AFDN: variants seen among roughly 807,000 people sequenced by gnomAD.
AFDN encodes afadin.
Under a neutral mutation model 216.6 loss-of-function variants are expected in AFDN, and 68 were observed. That is an observed-to-expected ratio of 0.31 (90% CI 0.26 to 0.38). The LOEUF is 0.38. AFDN is among the 10% of genes least tolerant of loss of function. The pLI is 1.00. For synonymous variants in AFDN, 868 were observed against 853.7 expected, an observed-to-expected ratio of 1.02 and a Z score of -0.29; for missense variants, 2,136 against 2,342.0, an observed-to-expected ratio of 0.91 and a Z score of 1.82.
chr6:167,929,557 G>T (rs1793016910), intron 23 of AFDN, among the ~76,000 whole-genome samples: 1 of 152,234 alleles, frequency 6.6e-6, no homozygotes, highest in African/African-American at 2.4e-5. Context: ...GTAAGAGGAA[G>T]GTGAAGGTAG....
Position 167,963,240 on chromosome 6 carries a change from G to T in AFDN, c.4968+673G>T, listed in dbSNP as rs1797213502. 2.8e-6 allele frequency: 3 copies of T among 1,063,950 alleles called. No individual in the cohort carries two copies. In the South Asian group the frequency reaches 1.4e-4, roughly 48 times the overall value. The allele number at this position is 1,063,950 out of a possible 1,614,324, so 65.9% of individuals were successfully genotyped here. A position where few individuals can be genotyped will look rare whatever the true frequency, so the allele number is the denominator to read the frequency against. ...CTCTCCATATCTCCCTTTGTCCTGT[G>T]TGTGTGGCCGACGCCCTCTGGATGA... On this transcript the variant is annotated intron_variant, in intron 31 of 33. Coordinates refer to ENST00000683244, the MANE Select transcript of AFDN (RefSeq NM_001386888.1).
At chr6:167,930,801 G>A (rs1255680636) in intron 23 of AFDN, among the ~76,000 whole-genome samples, 1 of 152,204 alleles carries the variant, frequency 6.6e-6, no homozygotes, top group Non-Finnish European at 1.5e-5. Context: ...GGTGGGTCTG[G>A]ACAGAGCTGA....
chr6:167,897,076 A>G, intron 10 of AFDN, 104 bp downstream of exon 10: 1 of 507,376 alleles, frequency 2.0e-6, no homozygotes, highest in Admixed American at 3.9e-5. Context: ...ATAATTACCG[A>G]CTTGTATTTA....
chr6:167,893,664 CACTG>C, intron 8 of AFDN, 194 bp from the exon 9 acceptor site: 1 of 548,682 alleles, frequency 1.8e-6, no homozygotes, highest in Non-Finnish European at 3.3e-6. Flanking sequence ...GTTTCTAAAA[CACTG>C]ACTGGGGCAC....
intron 16 of AFDN, chr6:167,913,698 A>C: frequency 2.0e-6 from 1 of 502,542 alleles, no homozygotes. Context: ...TTTGGATCTC[A>C]TCTGAGGTTG....
chr6:167,842,369 G>C (rs1781168839), intron 1 of AFDN, among the ~76,000 whole-genome samples: 1 of 151,874 alleles, frequency 6.6e-6, no homozygotes, highest in Non-Finnish European at 1.5e-5. Flanking sequence ...CTGGATTCTT[G>C]ATGTTCTTCT....
chr6:167,930,625 T>C (rs1793165631), intron 23 of AFDN, among the ~76,000 whole-genome samples: 1 of 152,138 alleles, frequency 6.6e-6, no homozygotes, highest in Admixed American at 6.5e-5. Context: ...GAGTACAGTG[T>C]CAGCAAGCTT....
At position 167,966,214 on chromosome 6, in the gene AFDN, G is replaced by T. The variant is rs777508099; in HGVS notation, c.5257+169G>T. On this transcript the variant is annotated intron_variant, in intron 32 of 33. Coordinates refer to ENST00000683244, the MANE Select transcript of AFDN (RefSeq NM_001386888.1). The stretch of plus-strand genomic sequence containing the variant: ...GCCAACAGTACTGCTCACAAAAAAG[G>T]CCAGCCCCTGCCCCCTCCAAAAAAA... The T allele has an allele frequency of 1.5e-5, 23 of 1,533,174 alleles. No individual in the cohort carries two copies. The South Asian group carries it at 2.8e-4, about 18-fold the overall frequency. 95.0% of individuals were successfully genotyped at this position (1,533,174 alleles called of 1,614,324 possible). A position where few individuals can be genotyped will look rare whatever the true frequency, so the allele number is the denominator to read the frequency against.
At chr6:167,864,273 GCCAAGGA>G in intron 1 of AFDN, 1 of 638,044 alleles carries the variant, frequency 1.6e-6, no homozygotes, top group Non-Finnish European at 3.0e-6. Context: ...CCTACCACTT[GCCAAGGA>G]CCAATAGATG....
chr6:167,840,795 G>C (rs566152516), intron 1 of AFDN, among the ~76,000 whole-genome samples: 1 of 152,356 alleles, frequency 6.6e-6, no homozygotes, highest in South Asian at 2.1e-4. Flanking sequence ...TGTAAGCCAA[G>C]TTAAGAACAT....
intron 15 of AFDN, chr6:167,912,012 G>A (rs1468033473): frequency 1.2e-5 from 2 of 168,224 alleles, no homozygotes; most frequent in Non-Finnish European, 2.6e-5. Flanking sequence ...ACTTGCTCCT[G>A]TGTAATGAGC....
intron 23 of AFDN, among the ~76,000 whole-genome samples, chr6:167,927,503 T>A (rs574038326): frequency 6.6e-6 from 1 of 152,204 alleles, no homozygotes; most frequent in Non-Finnish European, 1.5e-5. Context: ...AGGAACATGA[T>A]GAAACTGACA....
In AFDN at chr6:167,947,838, C is replaced by T; in HGVS notation, c.3554-15C>T. 6.4e-7 allele frequency: 1 copy of T among 1,572,554 alleles called. No individual in the cohort carries two copies. The highest frequency in any genetic ancestry group is 8.7e-7 in the Non-Finnish European group (1 of 1,149,654). The stretch of plus-strand genomic sequence containing the variant: ...TTAATATTACACTTTTTTTTTTCCC[C>T]CCTGACTTGAGCAGATCAGCCTCCT... On this transcript the variant is annotated splice_polypyrimidine_tract_variant and intron_variant, in intron 27 of 33. Coordinates refer to ENST00000683244, the MANE Select transcript of AFDN (RefSeq NM_001386888.1).
chr6:167,917,308 G>T, intron 20 of AFDN, 76 bp downstream of exon 20: 1 of 1,340,698 alleles, frequency 7.5e-7, no homozygotes, highest in East Asian at 2.7e-5. Context: ...AAAACAAAAG[G>T]AAATCCTATT....
At chr6:167,950,535 G>A (rs1470781310) in intron 29 of AFDN, among the ~76,000 whole-genome samples, 3 of 152,168 alleles carry the variant, frequency 2.0e-5, no homozygotes, top group Non-Finnish European at 4.4e-5. Flanking sequence ...ACGTATCGCA[G>A]ATGTGTGGGA....
chr6:167,896,852 G>T, intron 9 of AFDN, 26 bp from the exon 10 acceptor site: 1 of 1,433,936 alleles, frequency 7.0e-7, no homozygotes. Flanking sequence ...TTTGCAAATA[G>T]AGCTGTCTTC....
chr6:167,895,519 T>C (rs368097065), intron 9 of AFDN, among the ~76,000 whole-genome samples: 25 of 152,108 alleles, frequency 1.6e-4, no homozygotes, highest in East Asian at 5.8e-4. Flanking sequence ...GTCTCTCAGG[T>C]ACTTCAGTCT....
chr6:167,945,303 C>T (rs1439853186), intron 26 of AFDN, among the ~76,000 whole-genome samples: 1 of 152,144 alleles, frequency 6.6e-6, no homozygotes, highest in East Asian at 1.9e-4. Flanking sequence ...GGAAGGTCTT[C>T]AGGGGCAGTG....
At chr6:167,846,766 G>A (rs1316329764) in intron 1 of AFDN, among the ~76,000 whole-genome samples, 1 of 149,642 alleles carries the variant, frequency 6.7e-6, no homozygotes, top group African/African-American at 2.5e-5. Context: ...AGATTTGGGG[G>A]AGGAGTATAG....
Sources: gnomAD v4.1 joint callset for allele counts (sites outside exome capture counted in the v4.1 genomes callset) on GRCh38, gnomAD v4.1.1 for gene constraint, MANE v1.5 for transcripts, NCBI Gene and HGNC (gene_info 2026-07-23, HGNC 2026-07-21) for gene names.